Variants in ACACA observed in about 807,000 individuals in gnomAD.
ACACA encodes the protein acetyl-CoA carboxylase alpha.
ACACA carries 103 observed loss-of-function variants against 296.1 expected under a neutral mutation model. That is an observed-to-expected ratio of 0.35 (90% CI 0.30 to 0.41). The LOEUF is 0.41. ACACA is among the 10% of genes least tolerant of loss of function. The probability of loss-of-function intolerance (pLI) is 1.00; values close to 1 mark genes in which losing one functional copy is unlikely to be tolerated. For synonymous variants in ACACA, 953 were observed against 1,038.6 expected, an observed-to-expected ratio of 0.92 and a Z score of 1.58; for missense variants, 1,554 against 2,989.7, an observed-to-expected ratio of 0.52 and a Z score of 11.20.
intron 2 of ACACA, among the ~76,000 whole-genome samples, chr17:37,337,939 T>C (rs2048200843): frequency 6.6e-6 from 1 of 151,464 alleles, no homozygotes; most frequent in East Asian, 2.0e-4. Context: ...CTAATAAATA[T>C]ACAAAAAATT....
In ACACA at chr17:37,085,320, G is replaced by T. The variant is rs1032442972; in HGVS notation, c.*1996C>A. 3 of 293,878 alleles carry T rather than the reference G, an allele frequency of 1.0e-5. No individual in the cohort carries two copies. The highest frequency in any genetic ancestry group is 1.9e-5 in the Non-Finnish European group (3 of 160,412). 18.2% of individuals were successfully genotyped at this position (293,878 alleles called of 1,614,324 possible). A position where few individuals can be genotyped will look rare whatever the true frequency, so the allele number is the denominator to read the frequency against. On this transcript the variant is annotated 3_prime_UTR_variant, in exon 56 of 56. Transcript: ENST00000616317. Reference sequence around the variant, plus strand: ...GGGGATGGGGGAGGAGGCATTACAGGGTTCTAGAGAGGAAACATACTCGTT... The same window carrying T: ...GGGGATGGGGGAGGAGGCATTACAGTGTTCTAGAGAGGAAACATACTCGTT...
chr17:37,391,148 T>TA (rs2050866408), intron 1 of ACACA, among the ~76,000 whole-genome samples: 1 of 152,042 alleles, frequency 6.6e-6, no homozygotes, highest in Non-Finnish European at 1.5e-5. Context: ...TGAGGCAGGA[T>TA]AATCGCTTGA....
At chr17:37,308,306 C>T (rs1038640898) in intron 3 of ACACA, among the ~76,000 whole-genome samples, 9 of 151,668 alleles carry the variant, frequency 5.9e-5, no homozygotes, top group Non-Finnish European at 1.0e-4. Flanking sequence ...TATAATAAGA[C>T]GAATTTATGA....
At chr17:37,112,994 T>C (rs2074060569) in intron 51 of ACACA, 94 bp downstream of exon 51, 1 of 1,436,002 alleles carries the variant, frequency 7.0e-7, no homozygotes, top group South Asian at 1.2e-5. Context: ...AGGATGTGGG[T>C]GCTGTAGTGC....
intron 1 of ACACA, among the ~76,000 whole-genome samples, chr17:37,388,510 C>G (rs1048428871): frequency 2.6e-5 from 4 of 151,788 alleles, no homozygotes; most frequent in Admixed American, 1.3e-4. Flanking sequence ...CCTCACACCC[C>G]CTCCAGCCCT....
At chr17:37,363,806 T>C (rs1169709066) in intron 1 of ACACA, among the ~76,000 whole-genome samples, 1 of 150,930 alleles carries the variant, frequency 6.6e-6, no homozygotes, top group Admixed American at 6.6e-5. Flanking sequence ...GCCAACATAG[T>C]GAAACCCTGT....
At chr17:37,137,724 C>T (rs1334301652) in intron 45 of ACACA, among the ~76,000 whole-genome samples, 5 of 152,008 alleles carry the variant, frequency 3.3e-5, no homozygotes, top group African/African-American at 1.2e-4. Flanking sequence ...ATGTAGATGC[C>T]CCTCTCCCTC....
chr17:37,301,488 C>T, intron 3 of ACACA: 1 of 675,812 alleles, frequency 1.5e-6, no homozygotes. Flanking sequence ...CATTCGCTAG[C>T]TTGACTGCAA....
At position 37,277,127 on chromosome 17, in the gene ACACA, A is replaced by G; in HGVS notation, c.721-13T>C. ...CAGCCCACACTGCCTGCAAGGGAAT[A>G]CAATATAATTCATTCTTAAAATTCA... On this transcript the variant is annotated splice_polypyrimidine_tract_variant and intron_variant, in intron 6 of 55. Coordinates refer to ENST00000616317, the MANE Select transcript of ACACA (RefSeq NM_198834.3). The G allele has an allele frequency of 6.2e-7, 1 of 1,607,902 alleles. No homozygotes were observed.
chr17:37,284,852 T>C lies in ACACA; in HGVS notation c.457A>G (p.Lys153Glu). The stretch of plus-strand genomic sequence containing the variant: ...TTACAACTTACCTTCTCAATCACTT[T>C]ATTTCCCCCAAAGCGAGTAACAAAT... ...AEFVTRFGGN[K>E]VIEKVLIANN... Residue 153 changes from lysine (K) to glutamate (E), a missense_variant, in exon 4 of 56, where the codon AAA becomes GAA. Coordinates refer to ENST00000616317, the MANE Select transcript of ACACA (RefSeq NM_198834.3). The C allele has an allele frequency of 1.2e-6, 2 of 1,614,202 alleles. No individual in the cohort carries two copies. The highest frequency in any genetic ancestry group is 1.7e-6 in the Non-Finnish European group (2 of 1,180,028).
At chr17:37,149,815 A>G in intron 45 of ACACA, 49 bp downstream of exon 45, 1 of 1,500,996 alleles carries the variant, frequency 6.7e-7, no homozygotes, top group Non-Finnish European at 9.3e-7. Context: ...AATTCACACA[A>G]TAATCTTCAA....
intron 41 of ACACA, among the ~76,000 whole-genome samples, chr17:37,167,625 T>C (rs1310342046): frequency 6.7e-6 from 1 of 149,016 alleles, no homozygotes; most frequent in African/African-American, 2.5e-5. Flanking sequence ...AGCCAAGAAA[T>C]GGCATTTTCT....
intron 1 of ACACA, chr17:37,378,095 AG>A: frequency 1.3e-6 from 1 of 798,030 alleles, no homozygotes; most frequent in Non-Finnish European, 2.0e-6. Flanking sequence ...GTATCCTCCC[AG>A]GGGGCTTTCT....
intron 52 of ACACA, among the ~76,000 whole-genome samples, chr17:37,104,944 GAAAAAA>G (rs66518229): frequency 1.8e-5 from 1 of 56,642 alleles, no homozygotes; most frequent in African/African-American, 7.1e-5. Flanking sequence ...GTCTCTGACC[GAAAAAA>G]AAAAAAAAAA....
chr17:37,301,448 A>G, intron 3 of ACACA: 3 of 979,488 alleles, frequency 3.1e-6, no homozygotes, highest in Non-Finnish European at 3.6e-6. Context: ...ACCAAGGATG[A>G]CGTAGCAGTT....
intron 41 of ACACA, among the ~76,000 whole-genome samples, chr17:37,164,286 C>T (rs2076580129): frequency 6.6e-6 from 1 of 152,180 alleles, no homozygotes. Context: ...ACATGCATCA[C>T]CCAGACTCAA....
At chr17:37,129,611 C>G in intron 46 of ACACA, 126 bp from the exon 47 acceptor site, 1 of 1,289,238 alleles carries the variant, frequency 7.8e-7, no homozygotes, top group Non-Finnish European at 1.1e-6. Context: ...TAGTCCCAAT[C>G]TTCAGCTGGA....
At chr17:37,121,540 G>A (rs1212849688) in intron 49 of ACACA, 50 bp from the exon 50 acceptor site, 3 of 1,609,780 alleles carry the variant, frequency 1.9e-6, no homozygotes, top group Admixed American at 3.3e-5. Context: ...GCTCCAGGGG[G>A]AAATCTCTCC....
rs550900902 is a variant in ACACA at position 37,339,879 on chromosome 17, T to G, written c.39-29A>C. ...GAGAGAAAGAGAAAGATTTTAAGGT[T>G]TTTTTTTTTAAGAAACAAACTTTTG... On this transcript the variant is annotated intron_variant, in intron 1 of 55. Transcript: ENST00000616317. 8.5e-6 allele frequency: 10 copies of G among 1,180,950 alleles called. 1 individual carries two copies. The highest frequency in any genetic ancestry group is 2.9e-5 in the African/African-American group (2 of 69,250). The allele number at this position is 1,180,950 out of a possible 1,614,324, so 73.2% of individuals were successfully genotyped here.
Sources: gnomAD v4.1 joint callset for allele counts (sites outside exome capture counted in the v4.1 genomes callset) on GRCh38, gnomAD v4.1.1 for gene constraint, MANE v1.5 for transcripts, NCBI Gene and HGNC (gene_info 2026-07-23, HGNC 2026-07-21) for gene names.